Variants in TNFSF8 observed in about 807,000 individuals in gnomAD.
The protein encoded by TNFSF8 is tumor necrosis factor ligand superfamily member 8.
TNFSF8 carries 4 observed loss-of-function variants against 22.0 expected under a neutral mutation model. That is an observed-to-expected ratio of 0.18 (90% confidence interval 0.09 to 0.42). The LOEUF is 0.42. TNFSF8 is among the 10% of genes least tolerant of loss of function. The probability of loss-of-function intolerance (pLI) is 1.00; values close to 1 mark genes in which losing one functional copy is unlikely to be tolerated. For synonymous variants in TNFSF8, 106 were observed against 112.5 expected (o/e 0.94, Z 0.37); for missense variants, 233 against 281.8 (o/e 0.83, Z 1.24).
intron 2 of TNFSF8, among the ~76,000 whole-genome samples, chr9:114,909,156 C>G (rs142095882): frequency 6.6e-6 from 1 of 152,194 alleles, no homozygotes; most frequent in Non-Finnish European, 1.5e-5. Flanking sequence ...TTATCAAGAG[C>G]TAGATGAACA....
chr9:114,905,976 C>T, intron 2 of TNFSF8, 77 bp from the exon 3 acceptor site: 1 of 938,564 alleles, frequency 1.1e-6, no homozygotes, highest in South Asian at 1.4e-5. Flanking sequence ...TTTTCTACAA[C>T]ACTTTGATGG....
chr9:114,914,550 G>C (rs12347977), intron 2 of TNFSF8, among the ~76,000 whole-genome samples: 9 of 151,412 alleles, frequency 5.9e-5, no homozygotes, highest in Admixed American at 5.9e-4. Flanking sequence ...CCTTGGTTCC[G>C]TGACATTTGT....
downstream of TNFSF8, among the ~76,000 whole-genome samples, chr9:114,900,416 C>T (rs528572132): frequency 2.0e-5 from 3 of 152,184 alleles, no homozygotes; most frequent in African/African-American, 2.4e-5. Flanking sequence ...GCGAAGTCCT[C>T]GAGTGTGGTT....
At chr9:114,928,736 A>G (rs2131352364) in intron 1 of TNFSF8, among the ~76,000 whole-genome samples, 1 of 152,372 alleles carries the variant, frequency 6.6e-6, no homozygotes, top group South Asian at 2.1e-4. Context: ...TAGATAAGCC[A>G]TTAAATTATG....
intron 2 of TNFSF8, 54 bp downstream of exon 2, chr9:114,918,042 T>C: frequency 2.0e-6 from 3 of 1,532,370 alleles, no homozygotes; most frequent in Non-Finnish European, 2.7e-6. Context: ...TCACACTTTA[T>C]GGCATTTATC....
At chr9:114,900,391 AG>A (rs1335089388), downstream of TNFSF8, among the ~76,000 whole-genome samples, 1 of 152,238 alleles carries the variant, frequency 6.6e-6, no homozygotes, top group African/African-American at 2.4e-5. Flanking sequence ...GAAGCCCAGC[AG>A]GGAGCAGACA....
In TNFSF8 at chr9:114,902,110, A is replaced by G; in HGVS notation, c.*1821T>C. ...ACATTCCATCTCAAACGGCTTGTCA[A>G]GGTCCTTCCACAAATAAGATGTTCC... On this transcript the variant is annotated 3_prime_UTR_variant, in exon 4 of 4. Coordinates refer to ENST00000223795, the MANE Select transcript of TNFSF8 (RefSeq NM_001244.4). 1.0e-6 allele frequency: 1 copy of G among 985,362 alleles called. No individual in the cohort carries two copies. Among genetic ancestry groups the G allele is most frequent in the Non-Finnish European group, 1.2e-6 (1 of 829,932 alleles). The allele number at this position is 985,362 out of a possible 1,614,324, so 61.0% of individuals were successfully genotyped here.
downstream of TNFSF8, among the ~76,000 whole-genome samples, chr9:114,896,564 AC>A (rs1564365417): frequency 1.3e-5 from 2 of 152,246 alleles, no homozygotes; most frequent in East Asian, 3.8e-4. Flanking sequence ...CACAATGTAT[AC>A]ATGTATTGAA....
At chr9:114,893,880 TG>T in exon 5 of TNFSF8, 2 of 539,624 alleles carry the variant, frequency 3.7e-6, no homozygotes, top group South Asian at 4.6e-5. Context: ...TTTCTCTCTC[TG>T]GGGCCAGGAA....
At chr9:114,915,660 T>A (rs560666721) in intron 2 of TNFSF8, among the ~76,000 whole-genome samples, 3 of 152,290 alleles carry the variant, frequency 2.0e-5, no homozygotes, top group Admixed American at 2.0e-4. Flanking sequence ...CAGCGCATCA[T>A]CTGCAAAATG....
intron 2 of TNFSF8, among the ~76,000 whole-genome samples, chr9:114,909,447 TC>T (rs1347944018): frequency 2.0e-5 from 3 of 152,170 alleles, no homozygotes; most frequent in Non-Finnish European, 2.9e-5. Context: ...GGAGTTAGAA[TC>T]CTGGGATTTC....
At chr9:114,916,450 G>A (rs1267771814) in intron 2 of TNFSF8, among the ~76,000 whole-genome samples, 1 of 152,070 alleles carries the variant, frequency 6.6e-6, no homozygotes, top group East Asian at 1.9e-4. Context: ...AACTATCCTC[G>A]TCACTGAGAC....
chr9:114,929,973 T>TAGAGAG (rs200259755), intron 1 of TNFSF8, 136 bp downstream of exon 1: 20 of 345,288 alleles, frequency 5.8e-5, no homozygotes, highest in Admixed American at 3.4e-4. Flanking sequence ...TATATATATA[T>TAGAGAG]ATATAGAGAG....
chr9:114,897,297 A>G (rs934306977), downstream of TNFSF8, among the ~76,000 whole-genome samples: 41 of 129,656 alleles, frequency 3.2e-4, no homozygotes, highest in Non-Finnish European at 5.3e-4. Context: ...GTATGGCTTG[A>G]TATCTTTTCC....
downstream of TNFSF8, among the ~76,000 whole-genome samples, chr9:114,896,793 AT>A (rs796881752): frequency 4.6e-5 from 7 of 151,196 alleles, no homozygotes; most frequent in African/African-American, 1.2e-4. Context: ...GCAAAGATTT[AT>A]TTTTTTTTCC....
At position 114,901,170 on chromosome 9, in the gene TNFSF8, T is replaced by A. The variant is rs1827711942; in HGVS notation, c.*2761A>T. ...TTCCCAGTTAGATAAATTATTTATTTTACTTGCATAGATATCATTTTACTC... is the reference window on the plus strand; with the variant it reads ...TTCCCAGTTAGATAAATTATTTATTATACTTGCATAGATATCATTTTACTC... On this transcript the variant is annotated 3_prime_UTR_variant, in exon 4 of 4. Transcript: ENST00000223795. The A allele has an allele frequency of 4.1e-6, 4 of 985,358 alleles. No homozygotes were observed. The highest frequency in any genetic ancestry group is 4.8e-6 in the Non-Finnish European group (4 of 829,876). The allele number at this position is 985,358 out of a possible 1,614,324, so 61.0% of individuals were successfully genotyped here. A position where few individuals can be genotyped will look rare whatever the true frequency, so the allele number is the denominator to read the frequency against.
intron 1 of TNFSF8, among the ~76,000 whole-genome samples, chr9:114,927,014 T>TATA (rs1214140390): frequency 1.5e-5 from 2 of 132,634 alleles, no homozygotes; most frequent in East Asian, 4.0e-4. Flanking sequence ...TATTTTATAA[T>TATA]ATATTTATAA....
chr9:114,899,347 T>TA (rs201873380), downstream of TNFSF8, among the ~76,000 whole-genome samples: 604 of 143,886 alleles, frequency 4.2e-3, 5 homozygotes, highest in Non-Finnish European at 6.6e-3. Flanking sequence ...AAGTTATTAT[T>TA]TTTTTTTTTT....
downstream of TNFSF8, among the ~76,000 whole-genome samples, chr9:114,896,184 C>T (rs1827653744): frequency 6.6e-6 from 1 of 152,198 alleles, no homozygotes; most frequent in African/African-American, 2.4e-5. Flanking sequence ...TTGTAAGGTG[C>T]ACCTGAATCT....
Sources: gnomAD v4.1 joint callset for allele counts (sites outside exome capture counted in the v4.1 genomes callset) on GRCh38, gnomAD v4.1.1 for gene constraint, MANE v1.5 for transcripts, NCBI Gene and HGNC (gene_info 2026-07-23, HGNC 2026-07-21) for gene names.